The following ANK3 variants were observed in gnomAD, a reference collection of about 807,000 sequenced individuals.
The protein encoded by ANK3 is ankyrin 3.
In ANK3, 57 loss-of-function variants were observed where a neutral mutation model predicts 370.9. The ratio of observed to expected loss-of-function variants is 0.15; its 90% CI spans 0.12 to 0.19. ANK3 has a LOEUF of 0.19. ANK3 is among the 10% of genes least tolerant of loss of function. The probability of loss-of-function intolerance (pLI) is 1.00; values close to 1 mark genes in which losing one functional copy is unlikely to be tolerated. For synonymous variants in ANK3, 1,929 were observed against 1,946.3 expected (o/e 0.99, Z 0.23); for missense variants, 4,439 against 5,302.1 (o/e 0.84, Z 5.06).
chr10:60,488,611 T>C (rs906454957), intron 2 of ANK3, among the ~76,000 whole-genome samples: 5 of 152,210 alleles, frequency 3.3e-5, no homozygotes, highest in African/African-American at 1.2e-4. Context: ...ACCTGCTTTC[T>C]GCCTCTACAG....
chr10:60,366,297 TACTCCAGCCTGA>T (rs2132761581), intron 1 of ANK3, among the ~76,000 whole-genome samples: 1 of 152,266 alleles, frequency 6.6e-6, no homozygotes, highest in East Asian at 1.9e-4. Context: ...CATGCCACTG[TACTCCAGCCTGA>T]GTGACAGAGA....
At chr10:60,373,968 G>C (rs2060443587) in intron 1 of ANK3, among the ~76,000 whole-genome samples, 1 of 152,134 alleles carries the variant, frequency 6.6e-6, no homozygotes, top group South Asian at 2.1e-4. Flanking sequence ...GAAAAGTACA[G>C]AGCCCTGGGC....
At position 60,071,790 on chromosome 10, in the gene ANK3, A is replaced by G. The variant is rs2082741018; in HGVS notation, c.9091T>C (p.Tyr3031His). The change falls in exon 37 of 44, where the codon TAT becomes CAT. Residue 3031 changes from tyrosine (Y) to histidine (H), a missense_variant. This residue lies in a region of ANK3 where 1,601 missense variants were observed against 1,731.7 expected (regional missense o/e 0.92). Transcript: ENST00000280772. ...TCGAGAGGTGGGCATAAACCTACAT[A>G]ACTCTGGTGTTTGGAAACTTTGCTG... ...EISKVSKHQS[Y>H]VGLCPPLEET... The G allele has an allele frequency of 1.2e-6, 2 of 1,607,556 alleles. No individual in the cohort carries two copies. Among genetic ancestry groups the G allele is most frequent in the Non-Finnish European group, 1.7e-6 (2 of 1,177,012 alleles).
chr10:60,289,114 G>A (rs1273693344), intron 1 of ANK3, among the ~76,000 whole-genome samples: 1 of 152,096 alleles, frequency 6.6e-6, no homozygotes, highest in African/African-American at 2.4e-5. Context: ...GGGGCTAGCT[G>A]TGGAATGGAC....
At chr10:60,267,476 C>T (rs965774326) in intron 5 of ANK3, among the ~76,000 whole-genome samples, 2 of 151,942 alleles carry the variant, frequency 1.3e-5, no homozygotes, top group Non-Finnish European at 1.5e-5. Flanking sequence ...TGTTTTTTCC[C>T]TTAAAACTAC....
At chr10:60,665,561 T>A (rs2078985832) in intron 1 of ANK3, among the ~76,000 whole-genome samples, 1 of 152,206 alleles carries the variant, frequency 6.6e-6, no homozygotes, top group South Asian at 2.1e-4. Flanking sequence ...AGACAAAACA[T>A]ACTTAAACTC....
intron 1 of ANK3, among the ~76,000 whole-genome samples, chr10:60,381,731 A>C (rs1252364339): frequency 6.6e-6 from 1 of 152,168 alleles, no homozygotes; most frequent in African/African-American, 2.4e-5. Context: ...TGGCAAATGC[A>C]TTTATTTGCA....
chr10:60,459,802 T>C (rs888169160), intron 2 of ANK3, among the ~76,000 whole-genome samples: 4 of 152,126 alleles, frequency 2.6e-5, no homozygotes, highest in Admixed American at 6.6e-5. Context: ...TTTAGGAACT[T>C]ACACACACTC....
chr10:60,208,001 C>T, intron 10 of ANK3, 35 bp downstream of exon 10: 1 of 1,590,242 alleles, frequency 6.3e-7, no homozygotes, highest in Non-Finnish European at 8.6e-7. Flanking sequence ...GTGAGCAAGA[C>T]AACTGAGGCT....
At position 60,055,445 on chromosome 10, in the gene ANK3, G is replaced by A. The variant is rs140499535; in HGVS notation, c.13065+213C>T. Among the ~76,000 whole-genome samples, 168 of 152,166 alleles carry A rather than the reference G, an allele frequency of 1.1e-3. 1 individual carries two copies. Among genetic ancestry groups the A allele is most frequent in the Non-Finnish European group, 6.6e-4 (45 of 68,022 alleles). On this transcript the variant is annotated intron_variant, in intron 42 of 43. Coordinates refer to ENST00000280772, the MANE Select transcript of ANK3 (RefSeq NM_020987.5). ...CCTGCACCATGAATGAAGGTATAAC[G>A]AAATGGCATACATTTTACTTGGAAC...
chr10:60,723,697 T>C (rs1589079655), intron 1 of ANK3, among the ~76,000 whole-genome samples: 1 of 152,220 alleles, frequency 6.6e-6, no homozygotes, highest in Admixed American at 6.5e-5. Flanking sequence ...GGGCCCCTTT[T>C]TTTAAACGAC....
chr10:60,640,126 T>A (rs903695874), intron 1 of ANK3, among the ~76,000 whole-genome samples: 1 of 152,132 alleles, frequency 6.6e-6, no homozygotes, highest in Non-Finnish European at 1.5e-5. Flanking sequence ...ACAGGCATTT[T>A]ATAATTGTGG....
At chr10:60,516,350 C>G (rs1320714534) in intron 2 of ANK3, among the ~76,000 whole-genome samples, 1 of 152,070 alleles carries the variant, frequency 6.6e-6, no homozygotes. Context: ...TACTGGGAGC[C>G]AGGATCTGTT....
chr10:60,647,670 G>T (rs1427535627), intron 1 of ANK3, among the ~76,000 whole-genome samples: 1 of 151,988 alleles, frequency 6.6e-6, no homozygotes, highest in African/African-American at 2.4e-5. Context: ...CTGGAAAAGG[G>T]AGGACAAATT....
rs760784868 is a variant in ANK3 at position 60,186,852 on chromosome 10, G to C, written c.1948C>G (p.Leu650Val). 3 of 1,614,190 alleles carry C rather than the reference G, an allele frequency of 1.9e-6. No homozygotes were observed. Among genetic ancestry groups the C allele is most frequent in the Admixed American group, 1.7e-5 (1 of 60,016 alleles). Residue 650 changes from leucine to valine, a missense_variant, in exon 17 of 44, where the codon CTG (leucine) becomes GTG (valine). This residue lies in a region of ANK3 where 192 missense variants were observed against 192.1 expected (regional missense o/e 1.00). Transcript: ENST00000280772. ...KKNQMDIATT[L>V]LEYGADANAV... ...TTGGCATCAGCACCATATTCCAGCA[G>C]AGTTGTCGCTATGTCCATCTGGTTC...
At chr10:60,391,745 G>A (rs551847403), upstream of ANK3, among the ~76,000 whole-genome samples, 47 of 152,180 alleles carry the variant, frequency 3.1e-4, 1 homozygote, top group Non-Finnish European at 4.7e-4. Context: ...GATTTCTATC[G>A]GCAAAAGTAT....
intron 21 of ANK3, among the ~76,000 whole-genome samples, chr10:60,170,219 TC>T (rs147983072): frequency 0.013 from 1,978 of 152,334 alleles, 52 homozygotes; most frequent in African/African-American, 0.045. Flanking sequence ...AACTAAACCG[TC>T]TTTCTCAGCA....
intron 1 of ANK3, among the ~76,000 whole-genome samples, chr10:60,671,549 G>T (rs2133381751): frequency 6.6e-6 from 1 of 152,254 alleles, no homozygotes; most frequent in East Asian, 1.9e-4. Context: ...AACTTATAAG[G>T]GTGTATATAT....
intron 8 of ANK3, among the ~76,000 whole-genome samples, chr10:60,232,826 T>C (rs1367318299): frequency 6.6e-6 from 1 of 152,148 alleles, no homozygotes; most frequent in Non-Finnish European, 1.5e-5. Context: ...TGGCCCACAG[T>C]AGACACTCGA....
Sources: allele counts gnomAD v4.1 joint callset (sites outside exome capture counted in the v4.1 genomes callset), GRCh38; gene constraint gnomAD v4.1.1; regional missense constraint gnomAD v4.1.1; transcripts MANE v1.5; gene names NCBI Gene and HGNC (gene_info 2026-07-23, HGNC 2026-07-21).